Variants in NEK11 observed in about 807,000 individuals in gnomAD.
NEK11 encodes the protein NIMA related kinase 11, also known as serine/threonine-protein kinase Nek11.
A neutral mutation model predicts 80.7 loss-of-function variants in NEK11; 72 were observed. The ratio of observed to expected loss-of-function variants is 0.89; its 90% CI spans 0.74 to 1.08. The LOEUF is 1.08. Among genes scored for constraint, NEK11 ranks in the 50% least tolerant of loss-of-function variants. The probability of loss-of-function intolerance (pLI) is 0.00; values close to 1 mark genes in which losing one functional copy is unlikely to be tolerated. For missense variants in NEK11, 764 were observed against 763.6 expected, an observed-to-expected ratio of 1.00 and a Z score of -0.01; for synonymous variants, 251 against 260.7, an observed-to-expected ratio of 0.96 and a Z score of 0.36.
intron 13 of NEK11, 42 bp downstream of exon 13, chr3:131,168,979 TTAATGA>T: frequency 6.8e-7 from 1 of 1,465,934 alleles, no homozygotes; most frequent in Non-Finnish European, 9.5e-7. Context: ...TGAGGCAGGT[TTAATGA>T]TATCCAGAGA....
At chr3:131,186,624 G>A (rs2093613326) in intron 14 of NEK11, among the ~76,000 whole-genome samples, 1 of 152,110 alleles carries the variant, frequency 6.6e-6, no homozygotes, top group Non-Finnish European at 1.5e-5. Flanking sequence ...CCATACACTA[G>A]CAGTTAAAAT....
intron 5 of NEK11, among the ~76,000 whole-genome samples, chr3:131,115,496 C>G (rs912699702): frequency 5.3e-5 from 8 of 152,178 alleles, no homozygotes; most frequent in Non-Finnish European, 8.8e-5. Context: ...TCTGTTCACT[C>G]CTTTGGAGCT....
intron 14 of NEK11, among the ~76,000 whole-genome samples, chr3:131,211,943 G>A (rs984211363): frequency 6.6e-6 from 1 of 152,022 alleles, no homozygotes; most frequent in Non-Finnish European, 1.5e-5. Context: ...TCTTATTACC[G>A]ATCTTCTGAA....
chr3:131,079,490 T>C (rs1439313112), intron 3 of NEK11, among the ~76,000 whole-genome samples: 3 of 152,252 alleles, frequency 2.0e-5, no homozygotes, highest in Non-Finnish European at 2.9e-5. Flanking sequence ...CTGCCAATGC[T>C]TGCTTATAAT....
chr3:131,091,467 C>T (rs2076718848), intron 4 of NEK11, among the ~76,000 whole-genome samples: 1 of 152,194 alleles, frequency 6.6e-6, no homozygotes. Context: ...ATCTCTCCTT[C>T]CACTTGAAAG....
chr3:131,073,933 G>A (rs2073893521), intron 3 of NEK11, among the ~76,000 whole-genome samples: 1 of 152,136 alleles, frequency 6.6e-6, no homozygotes, highest in African/African-American at 2.4e-5. Context: ...AGCAATTTTA[G>A]CCAGTGAATA....
chr3:131,191,024 T>C (rs1489052797), intron 14 of NEK11, among the ~76,000 whole-genome samples: 3 of 152,204 alleles, frequency 2.0e-5, no homozygotes, highest in Admixed American at 6.5e-5. Context: ...TTCACATTGT[T>C]ATAATTATTA....
intron 7 of NEK11, among the ~76,000 whole-genome samples, chr3:131,138,652 C>T (rs2086162703): frequency 1.3e-5 from 2 of 152,160 alleles, no homozygotes; most frequent in Non-Finnish European, 2.9e-5. Flanking sequence ...GTGCTTGTGT[C>T]ACCCCACCCC....
At chr3:131,135,625 T>G (rs1178237155) in intron 7 of NEK11, among the ~76,000 whole-genome samples, 2 of 152,168 alleles carry the variant, frequency 1.3e-5, no homozygotes, top group Non-Finnish European at 2.9e-5. Flanking sequence ...TTGCTTCAGA[T>G]CGAATTTCAA....
chr3:131,215,283 GGA>G, intron 14 of NEK11, among the ~76,000 whole-genome samples: 1 of 119,344 alleles, frequency 8.4e-6, no homozygotes, highest in African/African-American at 3.4e-5. Flanking sequence ...TGGGGCGGGG[GGA>G]GGGGGAAGGG....
chr3:131,222,815 G>C (rs2095066237), intron 14 of NEK11, among the ~76,000 whole-genome samples: 1 of 152,132 alleles, frequency 6.6e-6, no homozygotes, highest in Non-Finnish European at 1.5e-5. Context: ...TCTTGGGGTG[G>C]GACCCAGAGA....
intron 17 of NEK11, among the ~76,000 whole-genome samples, chr3:131,280,244 A>G (rs1437921335): frequency 6.6e-6 from 1 of 152,206 alleles, no homozygotes; most frequent in African/African-American, 2.4e-5. Flanking sequence ...TGCATTGCCA[A>G]TTCATGCAGT....
chr3:131,169,438 C>T (rs1232405717), intron 13 of NEK11, among the ~76,000 whole-genome samples: 1 of 152,186 alleles, frequency 6.6e-6, no homozygotes, highest in African/African-American at 2.4e-5. Flanking sequence ...TTTTCAGACC[C>T]TAGCTGACAA....
chr3:131,040,053 G>T lies in NEK11; in HGVS notation c.170+10175G>T, dbSNP rs146604971. ...TAAAAGTAGTTTACTTCCACTAATT[G>T]TGCATTGTATAAATAATGTTATGTA... is the stretch of plus-strand genomic sequence containing the variant. On this transcript the variant is annotated intron_variant, in intron 3 of 17. Coordinates refer to ENST00000383366, the MANE Select transcript of NEK11 (RefSeq NM_024800.5). 7.8e-3 allele frequency among the ~76,000 whole-genome samples: 1,188 copies of T among 152,208 alleles called. 22 individuals are homozygous for T. Among genetic ancestry groups the T allele is most frequent in the African/African-American group, 0.027 (1,123 of 41,510 alleles).
At chr3:131,316,207 C>T (rs951876044) in intron 17 of NEK11, among the ~76,000 whole-genome samples, 1 of 152,178 alleles carries the variant, frequency 6.6e-6, no homozygotes, top group African/African-American at 2.4e-5. Context: ...CAAATAAAAG[C>T]ATGAATCAAG....
intron 14 of NEK11, among the ~76,000 whole-genome samples, chr3:131,219,696 A>G (rs2094957120): frequency 6.6e-6 from 1 of 152,142 alleles, no homozygotes; most frequent in African/African-American, 2.4e-5. Flanking sequence ...TGGCCCCTTA[A>G]TCTCCAACCT....
chr3:131,290,886 A>G (rs902917815), intron 17 of NEK11, among the ~76,000 whole-genome samples: 1 of 152,132 alleles, frequency 6.6e-6, no homozygotes, highest in Non-Finnish European at 1.5e-5. Context: ...CCCATTATCA[A>G]TGTCCTGCAC....
chr3:131,168,827 T>TA lies in NEK11; in HGVS notation c.1177-2dup. 6.2e-7 allele frequency: 1 copy of TA among 1,609,448 alleles called. No individual in the cohort carries two copies. Among genetic ancestry groups the TA allele is most frequent in the Non-Finnish European group, 8.5e-7 (1 of 1,176,470 alleles). ...TGAACAGACTTTGTCATAATCTCTTTAGGAAAAAACACATTTAAAAGGAAT... is the reference window on the plus strand; with the variant it reads ...TGAACAGACTTTGTCATAATCTCTTTAAGGAAAAAACACATTTAAAAGGAAT... On this transcript the variant is annotated splice_polypyrimidine_tract_variant and splice_region_variant and intron_variant, in intron 12 of 17. Coordinates refer to ENST00000383366, the MANE Select transcript of NEK11 (RefSeq NM_024800.5).
At chr3:131,069,334 G>A (rs1187942681) in intron 3 of NEK11, among the ~76,000 whole-genome samples, 1 of 152,050 alleles carries the variant, frequency 6.6e-6, no homozygotes, top group East Asian at 1.9e-4. Flanking sequence ...ACTGAAATCT[G>A]CAATTCTTGT....
Sources: allele counts gnomAD v4.1 joint callset (sites outside exome capture counted in the v4.1 genomes callset), GRCh38; gene constraint gnomAD v4.1.1; transcripts MANE v1.5; gene names NCBI Gene and HGNC (gene_info 2026-07-23, HGNC 2026-07-21).